BNC2: variants seen among roughly 807,000 people sequenced by gnomAD.
BNC2 encodes the protein basonuclin zinc finger protein 2, also known as zinc finger protein basonuclin-2.
A neutral mutation model predicts 76.3 loss-of-function variants in BNC2; 20 were observed. The observed-to-expected ratio is 0.26, with a 90% CI of 0.18 to 0.38. The LOEUF is 0.38. Ranked by LOEUF, BNC2 falls within the 10% of genes least tolerant of loss-of-function variation. The pLI is 1.00. For missense variants in BNC2, 1,382 were observed against 1,399.8 expected, an observed-to-expected ratio of 0.99 and a Z score of 0.20; for synonymous variants, 582 against 514.8, an observed-to-expected ratio of 1.13 and a Z score of -1.77.
intron 5 of BNC2, among the ~76,000 whole-genome samples, chr9:16,486,467 G>A (rs902550251): frequency 1.3e-5 from 2 of 152,096 alleles, no homozygotes; most frequent in African/African-American, 2.4e-5. Flanking sequence ...AAATAAATGC[G>A]CACACCTTTT....
intron 1 of BNC2, among the ~76,000 whole-genome samples, chr9:16,765,109 T>C (rs548819027): frequency 1.2e-4 from 18 of 152,328 alleles, no homozygotes; most frequent in Non-Finnish European, 1.9e-4. Flanking sequence ...CGGACGTTTG[T>C]ACTATCCACA....
At chr9:16,515,070 G>C (rs1460020833) in intron 5 of BNC2, among the ~76,000 whole-genome samples, 1 of 152,178 alleles carries the variant, frequency 6.6e-6, no homozygotes, top group East Asian at 1.9e-4. Flanking sequence ...CAGTACTGTT[G>C]GCTATTTACA....
rs538653615 is a variant in BNC2 at position 16,435,889 on chromosome 9, G to C, written c.2305C>G (p.Gln769Glu). 5.6e-6 allele frequency: 9 copies of C among 1,613,890 alleles called. No individual in the cohort carries two copies. Among genetic ancestry groups the C allele is most frequent in the Non-Finnish European group, 7.6e-6 (9 of 1,179,862 alleles). The change falls in exon 6 of 7, where the codon CAG (glutamine) becomes GAG (glutamate). Residue 769 changes from glutamine (Q) to glutamate (E), a missense_variant. Transcript: ENST00000380672. Reference protein sequence around the residue: ...PDENHSEPSHQDVIKVKEEFT... With the variant: ...PDENHSEPSHEDVIKVKEEFT... ...TCTTCCTTCACCTTGATGACGTCCTGGTGAGAGGGCTCACTGTGGTTCTCA... is the reference window on the plus strand; with the variant it reads ...TCTTCCTTCACCTTGATGACGTCCTCGTGAGAGGGCTCACTGTGGTTCTCA...
intron 3 of BNC2, among the ~76,000 whole-genome samples, chr9:16,724,249 G>A (rs1474574826): frequency 4.0e-5 from 6 of 151,728 alleles, no homozygotes; most frequent in Non-Finnish European, 8.8e-5. Flanking sequence ...TACATCCCTT[G>A]AGATAGCTAC....
intron 1 of BNC2, among the ~76,000 whole-genome samples, chr9:16,839,032 A>G (rs1818768610): frequency 6.6e-6 from 1 of 152,252 alleles, no homozygotes; most frequent in South Asian, 2.1e-4. Flanking sequence ...GTGAGCTAAC[A>G]GAAGTTAGCT....
chr9:16,608,842 A>G (rs1201585940), intron 3 of BNC2, among the ~76,000 whole-genome samples: 1 of 152,248 alleles, frequency 6.6e-6, no homozygotes, highest in African/African-American at 2.4e-5. Context: ...GGCAAAAGTC[A>G]AACTCCACTT....
chr9:16,641,310 T>C (rs1472471885), intron 3 of BNC2, among the ~76,000 whole-genome samples: 3 of 152,152 alleles, frequency 2.0e-5, no homozygotes, highest in African/African-American at 7.2e-5. Flanking sequence ...ATGGAAAAGA[T>C]CTTAAATTAT....
At chr9:16,443,292 A>G (rs1444934656) in intron 5 of BNC2, among the ~76,000 whole-genome samples, 2 of 152,158 alleles carry the variant, frequency 1.3e-5, no homozygotes, top group Admixed American at 6.6e-5. Context: ...GGTTTGTGAG[A>G]TATGTTTATT....
chr9:16,864,327 T>C (rs371749938), intron 1 of BNC2, among the ~76,000 whole-genome samples: 1 of 152,240 alleles, frequency 6.6e-6, no homozygotes, highest in African/African-American at 2.4e-5. Flanking sequence ...GATCCATTCA[T>C]ATATATGATT....
At chr9:16,515,872 G>T (rs966836544) in intron 5 of BNC2, among the ~76,000 whole-genome samples, 1 of 150,768 alleles carries the variant, frequency 6.6e-6, no homozygotes, top group African/African-American at 2.4e-5. Flanking sequence ...CAGAAAAGAG[G>T]CATCTGACAA....
At chr9:16,709,772 A>C (rs776623476) in intron 3 of BNC2, among the ~76,000 whole-genome samples, 1 of 152,182 alleles carries the variant, frequency 6.6e-6, no homozygotes, top group Non-Finnish European at 1.5e-5. Context: ...GTATGATCAG[A>C]CTTAAATTTT....
chr9:16,597,776 A>G (rs1224712540), intron 3 of BNC2, among the ~76,000 whole-genome samples: 9 of 152,062 alleles, frequency 5.9e-5, no homozygotes, highest in Admixed American at 5.9e-4. Flanking sequence ...ATCTGCTCCT[A>G]TTTGTACAAA....
chr9:16,765,193 C>G (rs1201559315), intron 1 of BNC2, among the ~76,000 whole-genome samples: 1 of 152,062 alleles, frequency 6.6e-6, no homozygotes, highest in Non-Finnish European at 1.5e-5. Flanking sequence ...TAAACATACA[C>G]AAAGAGACAG....
In BNC2 at chr9:16,424,444, A is replaced by G. The variant is rs191590415; in HGVS notation, c.2640-4795T>C. Among the ~76,000 whole-genome samples the G allele has an allele frequency of 2.7e-3, 413 of 152,242 alleles. 5 individuals are homozygous for G. The highest frequency in any genetic ancestry group is 4.8e-3 in the Non-Finnish European group (324 of 68,008). Reference sequence around the variant, plus strand: ...CTTAATAATTAATTAGAATGCCTCAAGGGAAAAATAACTGAGGCCCCACTT... The same window carrying G: ...CTTAATAATTAATTAGAATGCCTCAGGGGAAAAATAACTGAGGCCCCACTT... On this transcript the variant is annotated intron_variant, in intron 6 of 6. Transcript: ENST00000380672.
intron 3 of BNC2, among the ~76,000 whole-genome samples, chr9:16,705,665 T>C (rs1005566352): frequency 6.7e-5 from 10 of 150,114 alleles, no homozygotes; most frequent in African/African-American, 2.4e-4. Flanking sequence ...GGTTTTTTTT[T>C]CCCTCCTTTG....
intron 1 of BNC2, among the ~76,000 whole-genome samples, chr9:16,770,268 G>A (rs1485281203): frequency 6.6e-6 from 1 of 152,142 alleles, no homozygotes; most frequent in Non-Finnish European, 1.5e-5. Context: ...ACCCTGTGTA[G>A]TCACAGATAT....
At chr9:16,659,570 T>C (rs1316334826) in intron 3 of BNC2, among the ~76,000 whole-genome samples, 1 of 145,570 alleles carries the variant, frequency 6.9e-6, no homozygotes, top group African/African-American at 2.6e-5. Context: ...ATTGCACCAC[T>C]GCACTCCAGC....
chr9:16,696,523 T>A (rs1469515387), intron 3 of BNC2, among the ~76,000 whole-genome samples: 1 of 152,186 alleles, frequency 6.6e-6, no homozygotes, highest in Non-Finnish European at 1.5e-5. Flanking sequence ...TCCCAAGTGC[T>A]CTATGTTCCT....
intron 3 of BNC2, among the ~76,000 whole-genome samples, chr9:16,723,772 T>A (rs1160561329): frequency 6.6e-6 from 1 of 152,130 alleles, no homozygotes; most frequent in African/African-American, 2.4e-5. Context: ...AATCGTTGAT[T>A]TAATTTTTAG....
Sources: gnomAD v4.1 joint callset for allele counts (sites outside exome capture counted in the v4.1 genomes callset) on GRCh38, gnomAD v4.1.1 for gene constraint, MANE v1.5 for transcripts, NCBI Gene and HGNC (gene_info 2026-07-23, HGNC 2026-07-21) for gene names.